The following FAM83C variants were observed in gnomAD, a reference collection of about 807,000 sequenced individuals.
FAM83C encodes protein FAM83C.
A neutral mutation model predicts 27.1 loss-of-function variants in FAM83C; 23 were observed. That is an observed-to-expected ratio of 0.85 (90% CI 0.61 to 1.20). The LOEUF (loss-of-function observed/expected upper bound fraction) is 1.20, where lower values mean the gene tolerates loss of function less well. Among genes scored for constraint, FAM83C ranks in the 50% most tolerant of loss-of-function variants. The probability of loss-of-function intolerance (pLI) is 0.00; values close to 1 mark genes in which losing one functional copy is unlikely to be tolerated. For synonymous variants in FAM83C, 426 were observed against 423.1 expected (o/e 1.01, Z -0.09); for missense variants, 984 against 1,001.3 (o/e 0.98, Z 0.23).
At position 35,287,925 on chromosome 20, in the gene FAM83C, A is replaced by T. The variant is rs1341445314; in HGVS notation, c.854T>A (p.Leu285Gln). The T allele has an allele frequency of 6.4e-7, 1 of 1,556,832 alleles. No individual in the cohort carries two copies. The highest frequency in any genetic ancestry group is 8.7e-7 in the Non-Finnish European group (1 of 1,149,556). ...SQAHTSMVLQ[L>Q]RGRIVEDFDR... The stretch of plus-strand genomic sequence containing the variant: ...AAAGTCTTCCACGATGCGGCCCCTC[A>T]GCTGCAGCACCATGCTAGTGTGGGC... The change falls in exon 4 of 4, where the codon CTG becomes CAG. Residue 285 changes from leucine to glutamine, a missense_variant. Transcript: ENST00000374408.
rs1424500088 is a variant in FAM83C, at chr20:35,292,349, G to C, written c.-45C>G. The C allele has an allele frequency of 6.2e-6, 9 of 1,440,482 alleles. No homozygotes were observed. The highest frequency in any genetic ancestry group is 4.3e-5 in the African/African-American group (3 of 69,314). 89.2% of individuals were successfully genotyped at this position (1,440,482 alleles called of 1,614,324 possible). On this transcript the variant is annotated 5_prime_UTR_variant, in exon 1 of 4. Coordinates refer to ENST00000374408, the MANE Select transcript of FAM83C (RefSeq NM_178468.6). The stretch of plus-strand genomic sequence containing the variant: ...CACCCGCCGGCAGGGCCCATGGCCC[G>C]CACGCTGGGCTGGCTGCAGCAGGAA...
chr20:35,286,689 T>C lies in FAM83C; in HGVS notation c.2090A>G (p.Glu697Gly), dbSNP rs750675014. 7 of 1,613,602 alleles carry C rather than the reference T, an allele frequency of 4.3e-6. No individual in the cohort carries two copies. Among genetic ancestry groups the C allele is most frequent in the Non-Finnish European group, 5.9e-6 (7 of 1,179,952 alleles). Residue 697 changes from glutamate (E) to glycine (G), a missense_variant, in exon 4 of 4, where the codon GAG (glutamate) becomes GGG (glycine). Glu to Gly is a moderately conservative substitution (Grantham distance 98). Coordinates refer to ENST00000374408, the MANE Select transcript of FAM83C (RefSeq NM_178468.6). Reference protein sequence around the residue: ...HQLHGARQGTEPGGPKGGHLN... With the variant: ...HQLHGARQGTGPGGPKGGHLN... Reference sequence around the variant, plus strand: ...ATGGCCACCCTTGGGACCCCCAGGCTCAGTTCCCTGCCTGGCCCCGTGCAA... The same window carrying C: ...ATGGCCACCCTTGGGACCCCCAGGCCCAGTTCCCTGCCTGGCCCCGTGCAA...
chr20:35,286,311 C>T lies in FAM83C; in HGVS notation c.*224G>A, dbSNP rs2060823453. 2 of 545,318 alleles carry T rather than the reference C, an allele frequency of 3.7e-6. No individual in the cohort carries two copies. The highest frequency in any genetic ancestry group is 6.5e-6 in the Non-Finnish European group (2 of 309,798). The allele number at this position is 545,318 out of a possible 1,614,324, so 33.8% of individuals were successfully genotyped here. A position where few individuals can be genotyped will look rare whatever the true frequency, so the allele number is the denominator to read the frequency against. ...ACCTGTCAGCTCTACAGGCCCAGCA[C>T]AGGGCTGGAAACACAGCCTAGATTC... On this transcript the variant is annotated 3_prime_UTR_variant, in exon 4 of 4. Transcript: ENST00000374408.
chr20:35,288,067 G>A (rs529991933), intron 3 of FAM83C, 95 bp from the exon 4 acceptor site: 59 of 1,080,852 alleles, frequency 5.5e-5, no homozygotes, highest in South Asian at 2.7e-4. Context: ...GGTCCAGCAC[G>A]CTAGACCCAA....
rs2060826795 is a variant in FAM83C at position 35,286,677 on chromosome 20, G to A, written c.2102C>T (p.Pro701Leu). Residue 701 changes from proline to leucine, a missense_variant, in exon 4 of 4, where the codon CCC becomes CTC. Pro to Leu is a moderately conservative substitution (Grantham distance 98, BLOSUM62 -3). Coordinates refer to ENST00000374408, the MANE Select transcript of FAM83C (RefSeq NM_178468.6). ...ACCACCATTGAGATGGCCACCCTTG[G>A]GACCCCCAGGCTCAGTTCCCTGCCT... is the stretch of plus-strand genomic sequence containing the variant. ...GARQGTEPGG[P>L]KGGHLNGGNS... 1.2e-6 allele frequency: 2 copies of A among 1,613,776 alleles called. No homozygotes were observed. Among genetic ancestry groups the A allele is most frequent in the African/African-American group, 1.3e-5 (1 of 74,800 alleles).
rs544717129 is a variant in FAM83C, at chr20:35,292,332, G to A, written c.-28C>T. ...CTGCCACGCGGCTGCCTCACCCGCC[G>A]GCAGGGCCCATGGCCCGCACGCTGG... On this transcript the variant is annotated 5_prime_UTR_variant, in exon 1 of 4. Transcript: ENST00000374408. The A allele has an allele frequency of 4.0e-5, 59 of 1,461,304 alleles. No homozygotes were observed. The South Asian group carries it at 5.7e-4, about 14-fold the overall frequency. The allele number at this position is 1,461,304 out of a possible 1,614,324, so 90.5% of individuals were successfully genotyped here.
chr20:35,288,010 G>T, intron 3 of FAM83C, 38 bp from the exon 4 acceptor site: 1 of 1,527,062 alleles, frequency 6.5e-7, no homozygotes, highest in Non-Finnish European at 8.9e-7. Flanking sequence ...GAGGCAAAGT[G>T]CAGGATCCTG....
In FAM83C at chr20:35,287,351, G is replaced by A; in HGVS notation, c.1428C>T (p.Pro476=). ...GTACCCATCGACCCCGCAGGGGGCT[G>A]GGCTCTTGGCTTCCTGGGAGCCCAT... is the stretch of plus-strand genomic sequence containing the variant. ...PENGLPGSQE[P]SPLRGRWVPG... The change falls in exon 4 of 4, where the codon CCC becomes CCT. Residue 476 remains proline, a synonymous_variant. Coordinates refer to ENST00000374408, the MANE Select transcript of FAM83C (RefSeq NM_178468.6). 7 of 1,613,846 alleles carry A rather than the reference G, an allele frequency of 4.3e-6. No individual in the cohort carries two copies. The highest frequency in any genetic ancestry group is 1.7e-5 in the Admixed American group (1 of 60,022).
intron 1 of FAM83C, among the ~76,000 whole-genome samples, chr20:35,290,684 A>G (rs2060844451): frequency 6.6e-6 from 1 of 152,210 alleles, no homozygotes; most frequent in Admixed American, 6.5e-5. Context: ...AAGGCGAGGC[A>G]CTGGGGGATG....
In FAM83C at chr20:35,291,688, C is replaced by T. The variant is rs567189221; in HGVS notation, c.513+104G>A. On this transcript the variant is annotated intron_variant, in intron 1 of 3. Transcript: ENST00000374408. The stretch of plus-strand genomic sequence containing the variant: ...TAATAGTGCCAGAGGTGCTGGTCCT[C>T]ATTCTGCCCCTAAGTCGCTGTGTGG... The T allele has an allele frequency of 1.7e-5, 25 of 1,469,272 alleles. No homozygotes were observed. In the African/African-American group the frequency reaches 2.5e-4, roughly 15 times the overall value. The allele number at this position is 1,469,272 out of a possible 1,614,324, so 91.0% of individuals were successfully genotyped here. A position where few individuals can be genotyped will look rare whatever the true frequency, so the allele number is the denominator to read the frequency against.
Position 35,288,551 on chromosome 20 carries a change from T to C in FAM83C, c.716A>G (p.Tyr239Cys). ...GAAGCGGCGGCCAGCCTTGCTGCAG[T>C]ATGTGTCCCCACACGTGCTCCGCAC... is the stretch of plus-strand genomic sequence containing the variant. ...MRVRSTCGDT[Y>C]CSKAGRRFTG... Residue 239 changes from tyrosine to cysteine, a missense_variant, in exon 3 of 4, where the codon TAC becomes TGC. Physicochemically the swap from Tyr to Cys is radical, Grantham distance 194 (BLOSUM62 -2). Coordinates refer to ENST00000374408, the MANE Select transcript of FAM83C (RefSeq NM_178468.6). 1 of 1,614,184 alleles carries C rather than the reference T, an allele frequency of 6.2e-7. No individual in the cohort carries two copies. The highest frequency in any genetic ancestry group is 1.3e-5 in the African/African-American group (1 of 75,064).
chr20:35,291,271 C>T (rs1031740703), intron 1 of FAM83C, among the ~76,000 whole-genome samples: 4 of 152,178 alleles, frequency 2.6e-5, no homozygotes, highest in Admixed American at 2.6e-4. Context: ...CCGGACTGGT[C>T]CCCAGGACCC....
At chr20:35,291,668 G>A in intron 1 of FAM83C, 124 bp downstream of exon 1, 5 of 1,284,982 alleles carry the variant, frequency 3.9e-6, no homozygotes, top group Non-Finnish European at 5.4e-6. Flanking sequence ...CAATCTAATA[G>A]TGCCAGAGGT....
Position 35,287,435 on chromosome 20 carries a change from G to C in FAM83C, c.1344C>G (p.Arg448=). 1 of 1,614,188 alleles carries C rather than the reference G, an allele frequency of 6.2e-7. No homozygotes were observed. The highest frequency in any genetic ancestry group is 8.5e-7 in the Non-Finnish European group (1 of 1,180,020). ...TLAVGSPLLP[R]SRPLLQFHRG... is the part of the protein sequence containing the mutation. ...GATGGAACTGGAGGAGGGGCCGGGA[G>C]CGAGGAAGCAGAGGTGACCCCACTG... Residue 448 remains arginine, a synonymous_variant, in exon 4 of 4, where the codon CGC becomes CGG. Coordinates refer to ENST00000374408, the MANE Select transcript of FAM83C (RefSeq NM_178468.6).
Position 35,287,236 on chromosome 20 carries a change from G to A in FAM83C, c.1543C>T (p.Pro515Ser), listed in dbSNP as rs1568634424. The A allele has an allele frequency of 1.2e-6, 2 of 1,612,972 alleles. No individual in the cohort carries two copies. Among genetic ancestry groups the A allele is most frequent in the East Asian group, 4.5e-5 (2 of 44,858 alleles). The stretch of plus-strand genomic sequence containing the variant: ...GGGTCTCCCACTTCTCGGGCTCTGG[G>A]GAAGGGGACAAGGAGATCCAGCTGG... ...RGQLDLLVPF[P>S]RAREVGDPDS... is the part of the protein sequence containing the mutation. Residue 515 changes from proline to serine, a missense_variant, in exon 4 of 4, where the codon CCC (proline) becomes TCC (serine). By Grantham distance (74) the Pro-to-Ser change is moderately conservative (BLOSUM62 -1). Transcript: ENST00000374408.
Position 35,287,059 on chromosome 20 carries a change from T to A in FAM83C, c.1720A>T (p.Arg574Ter). The change falls in exon 4 of 4, where the codon AGA becomes TGA. Residue 574 changes from arginine (R) to a stop codon, truncating the protein, a stop_gained. Coordinates refer to ENST00000374408, the MANE Select transcript of FAM83C (RefSeq NM_178468.6). LOFTEE classifies it high-confidence loss of function. ...TCCTCCAGGGCCCGATCACCAGGTC[T>A]GAGGGAACCCAACTCAGGGGCACCC... ...TGGAPELGSL[R>*]PGDRALEDRR... 2 of 1,604,910 alleles carry A rather than the reference T, an allele frequency of 1.2e-6. No individual in the cohort carries two copies. Among genetic ancestry groups the A allele is most frequent in the African/African-American group, 2.7e-5 (2 of 75,036 alleles).
chr20:35,290,953 C>G (rs2060845212), intron 1 of FAM83C, among the ~76,000 whole-genome samples: 1 of 152,218 alleles, frequency 6.6e-6, no homozygotes, highest in African/African-American at 2.4e-5. Flanking sequence ...TGCCAGGGAT[C>G]ATCTCGTCCA....
chr20:35,292,026 C>T lies in FAM83C; in HGVS notation c.279G>A (p.Glu93=). The T allele has an allele frequency of 6.2e-7, 1 of 1,613,462 alleles. No individual in the cohort carries two copies. Among genetic ancestry groups the T allele is most frequent in the Non-Finnish European group, 8.5e-7 (1 of 1,179,950 alleles). Reference sequence around the variant, plus strand: ...GCCCGGAGGCCTCCTGCCCCTGAGCCTCGCTGAGCTCAGGGCCCCCGCGCA... The same window carrying T: ...GCCCGGAGGCCTCCTGCCCCTGAGCTTCGCTGAGCTCAGGGCCCCCGCGCA... ...SHVRGGPELS[E]AQGQEASGPD... is the part of the protein sequence containing the mutation. Residue 93 remains glutamate (E), a synonymous_variant, in exon 1 of 4, where the codon GAG becomes GAA. Transcript: ENST00000374408.
intron 1 of FAM83C, among the ~76,000 whole-genome samples, chr20:35,290,006 ACTGT>A (rs2060842232): frequency 6.6e-6 from 1 of 152,052 alleles, no homozygotes; most frequent in Non-Finnish European, 1.5e-5. Flanking sequence ...TGACCCAGGG[ACTGT>A]CTGTCTGAGG....
Sources: gnomAD v4.1 joint callset for allele counts (sites outside exome capture counted in the v4.1 genomes callset) on GRCh38, gnomAD v4.1.1 for gene constraint, MANE v1.5 for transcripts, NCBI Gene and HGNC (gene_info 2026-07-23, HGNC 2026-07-21) for gene names.